Variants in MED12L observed in about 807,000 individuals in gnomAD.
MED12L encodes the protein mediator of RNA polymerase II transcription subunit 12-like protein.
A neutral mutation model predicts 281.3 loss-of-function variants in MED12L; 60 were observed. That is an observed-to-expected ratio of 0.21 (90% CI 0.17 to 0.26). MED12L has a LOEUF of 0.26. MED12L is among the 10% of genes least tolerant of loss of function. The probability of loss-of-function intolerance (pLI) is 1.00; values close to 1 mark genes in which losing one functional copy is unlikely to be tolerated. For synonymous variants in MED12L, 974 were observed against 987.2 expected (o/e 0.99, Z 0.25); for missense variants, 2,146 against 2,680.9 (o/e 0.80, Z 4.41).
intron 16 of MED12L, among the ~76,000 whole-genome samples, chr3:151,224,650 C>CAGA (rs1730116588): frequency 6.6e-6 from 1 of 152,190 alleles, no homozygotes; most frequent in South Asian, 2.1e-4. Flanking sequence ...CTTCTTCACC[C>CAGA]AGAAGAAGGA....
intron 16 of MED12L, among the ~76,000 whole-genome samples, chr3:151,260,180 A>T (rs1019230869): frequency 7.9e-5 from 12 of 152,178 alleles, no homozygotes; most frequent in African/African-American, 2.9e-4. Flanking sequence ...CTTAATGGAC[A>T]CGGTGTTTAA....
intron 16 of MED12L, among the ~76,000 whole-genome samples, chr3:151,301,666 C>G (rs1243584533): frequency 6.6e-6 from 1 of 152,126 alleles, no homozygotes; most frequent in Non-Finnish European, 1.5e-5. Flanking sequence ...CATCATCAGT[C>G]AGTAGGGAAA....
chr3:151,187,033 G>C (rs1723378583), intron 12 of MED12L, among the ~76,000 whole-genome samples: 1 of 152,170 alleles, frequency 6.6e-6, no homozygotes, highest in Non-Finnish European at 1.5e-5. Context: ...ACATTTTATA[G>C]ACATTTTTCT....
At chr3:151,368,637 T>TTCATGTCATG (rs1755663601) in intron 25 of MED12L, among the ~76,000 whole-genome samples, 3 of 55,542 alleles carry the variant, frequency 5.4e-5, no homozygotes, top group African/African-American at 2.3e-4. Flanking sequence ...TTTATTTCAT[T>TTCATGTCATG]TCATTTCATT....
Position 151,294,773 on chromosome 3 carries a change from G to A in MED12L, c.2251-55286G>A, listed in dbSNP as rs139050863. 2.2e-5 allele frequency: 35 copies of A among 1,613,706 alleles called. No individual in the cohort carries two copies. The Admixed American group carries it at 3.0e-4, about 14-fold the overall frequency. ...CCAAACACAAACAGATAAAACCTTC[G>A]TGAAGGTTATGCTGTACATCCGAGA... On this transcript the variant is annotated intron_variant, in intron 16 of 44. Transcript: ENST00000687756.
At chr3:151,311,696 AT>A (rs1416525952) in intron 16 of MED12L, among the ~76,000 whole-genome samples, 1 of 152,206 alleles carries the variant, frequency 6.6e-6, no homozygotes. Context: ...TCATCATGAT[AT>A]GTAGCACTGT....
chr3:151,178,793 T>C (rs1319689030), intron 11 of MED12L, among the ~76,000 whole-genome samples: 1 of 152,214 alleles, frequency 6.6e-6, no homozygotes, highest in Non-Finnish European at 1.5e-5. Flanking sequence ...AGGCACTCAG[T>C]ACATGTTAAT....
At chr3:151,377,906 GTC>G in intron 30 of MED12L, 104 bp from the exon 31 acceptor site, 1 of 1,125,766 alleles carries the variant, frequency 8.9e-7, no homozygotes, top group Non-Finnish European at 1.2e-6. Context: ...TTTTAGAACA[GTC>G]TGTGTGTCTC....
intron 16 of MED12L, among the ~76,000 whole-genome samples, chr3:151,236,024 A>G (rs1473454856): frequency 6.6e-6 from 1 of 152,142 alleles, no homozygotes; most frequent in Middle Eastern, 3.2e-3. Context: ...TTTTGCACCA[A>G]TCTAATATTT....
chr3:151,246,847 G>C (rs1056186604), intron 16 of MED12L, among the ~76,000 whole-genome samples: 1 of 152,114 alleles, frequency 6.6e-6, no homozygotes, highest in African/African-American at 2.4e-5. Context: ...TACAAAATGG[G>C]AGAAACTTTT....
chr3:151,250,636 C>G (rs1447535427), intron 16 of MED12L, among the ~76,000 whole-genome samples: 4 of 152,176 alleles, frequency 2.6e-5, no homozygotes, highest in South Asian at 2.1e-4. Context: ...ATATTCCGCT[C>G]TATGTATATA....
intron 16 of MED12L, among the ~76,000 whole-genome samples, chr3:151,243,161 G>T (rs1031453296): frequency 9.2e-5 from 14 of 152,150 alleles, no homozygotes; most frequent in East Asian, 1.9e-4. Flanking sequence ...GAAAGTGATG[G>T]GGAGAATGGA....
intron 16 of MED12L, among the ~76,000 whole-genome samples, chr3:151,348,562 G>A (rs538230331): frequency 3.3e-5 from 5 of 150,568 alleles, no homozygotes; most frequent in Non-Finnish European, 7.4e-5. Context: ...AGAGAAACTC[G>A]CTCCTAGCTT....
chr3:151,230,570 C>CTTTTT (rs368433695), intron 16 of MED12L, among the ~76,000 whole-genome samples: 3 of 139,458 alleles, frequency 2.2e-5, no homozygotes, highest in Non-Finnish European at 3.1e-5. Flanking sequence ...TTACTCCACG[C>CTTTTT]TTTTTTTTTT....
intron 16 of MED12L, among the ~76,000 whole-genome samples, chr3:151,229,622 G>T (rs1731237257): frequency 6.6e-6 from 1 of 151,936 alleles, no homozygotes; most frequent in Middle Eastern, 3.2e-3. Flanking sequence ...GGGACTACAG[G>T]CGCCCACCAC....
At chr3:151,097,124 G>A (rs1720815866) in intron 2 of MED12L, among the ~76,000 whole-genome samples, 1 of 152,192 alleles carries the variant, frequency 6.6e-6, no homozygotes, top group Non-Finnish European at 1.5e-5. Flanking sequence ...TGTGTGTGCT[G>A]GAGGTCATTT....
At chr3:151,225,959 C>A (rs1012596546) in intron 16 of MED12L, among the ~76,000 whole-genome samples, 1 of 152,072 alleles carries the variant, frequency 6.6e-6, no homozygotes, top group South Asian at 2.1e-4. Flanking sequence ...TCCTGTGTAC[C>A]CCTGATATTT....
At position 151,288,153 on chromosome 3, in the gene MED12L, G is replaced by A. The variant is rs114653329; in HGVS notation, c.2251-61906G>A. Among the ~76,000 whole-genome samples, 960 of 152,270 alleles carry A rather than the reference G, an allele frequency of 6.3e-3. 15 individuals are homozygous for A. The highest frequency in any genetic ancestry group is 0.022 in the African/African-American group (926 of 41,550). ...CCCAGAGAGTATTTGTTGATTTCAG[G>A]ATATTTTCTTGTTGTCCCTATGTTC... On this transcript the variant is annotated intron_variant, in intron 16 of 44. Transcript: ENST00000687756.
intron 16 of MED12L, among the ~76,000 whole-genome samples, chr3:151,305,303 T>C (rs1455759254): frequency 1.3e-5 from 2 of 152,240 alleles, no homozygotes; most frequent in Non-Finnish European, 2.9e-5. Context: ...ATGTTTGTGG[T>C]AGGCCTAGGT....
Sources: allele counts gnomAD v4.1 joint callset (sites outside exome capture counted in the v4.1 genomes callset), GRCh38; gene constraint gnomAD v4.1.1; transcripts MANE v1.5; gene names NCBI Gene and HGNC (gene_info 2026-07-23, HGNC 2026-07-21).